Variants in COL22A1 observed in about 807,000 individuals in gnomAD.
COL22A1 encodes the protein collagen type XXII alpha 1 chain, also known as collagen alpha-1(XXII) chain.
A neutral mutation model predicts 248.9 loss-of-function variants in COL22A1; 221 were observed. The observed-to-expected ratio is 0.89, with a 90% confidence interval of 0.80 to 0.99. The LOEUF (loss-of-function observed/expected upper bound fraction) is 0.99. Among genes scored for constraint, COL22A1 ranks in the 50% least tolerant of loss-of-function variants. The pLI, the probability that COL22A1 is intolerant of heterozygous loss-of-function variation, is 0.00. For synonymous variants in COL22A1, 891 were observed against 793.4 expected (o/e 1.12, Z -2.07); for missense variants, 2,240 against 2,179.0 (o/e 1.03, Z -0.56).
At chr8:138,701,683 T>G (rs1827987746) in intron 31 of COL22A1, among the ~76,000 whole-genome samples, 1 of 152,270 alleles carries the variant, frequency 6.6e-6, no homozygotes, top group Non-Finnish European at 1.5e-5. Context: ...GTGGACTATC[T>G]GTTTCTGTCC....
chr8:138,730,943 C>T (rs1332514018), intron 23 of COL22A1, among the ~76,000 whole-genome samples: 4 of 151,862 alleles, frequency 2.6e-5, no homozygotes, highest in East Asian at 3.9e-4. Flanking sequence ...GCTTTGTCTT[C>T]GAGGGAGCAC....
At chr8:138,763,823 C>A (rs956741463) in intron 16 of COL22A1, among the ~76,000 whole-genome samples, 1 of 152,132 alleles carries the variant, frequency 6.6e-6, no homozygotes, top group African/African-American at 2.4e-5. Flanking sequence ...AGACTCTCTT[C>A]GGCTGCAGCA....
At chr8:138,626,766 G>A (rs1820278636) in intron 50 of COL22A1, among the ~76,000 whole-genome samples, 1 of 152,060 alleles carries the variant, frequency 6.6e-6, no homozygotes, top group Non-Finnish European at 1.5e-5. Flanking sequence ...ACCAATAATT[G>A]CTTTACTATC....
chr8:138,618,143 C>T (rs781241462), intron 53 of COL22A1, among the ~76,000 whole-genome samples: 9 of 152,298 alleles, frequency 5.9e-5, no homozygotes, highest in Admixed American at 6.5e-5. Flanking sequence ...CTTACGACCA[C>T]TCTGCAAGAA....
rs964320518 is a variant in COL22A1, at chr8:138,662,311, G to C, written c.3187-228C>G. Among the ~76,000 whole-genome samples, 145 of 152,224 alleles carry C rather than the reference G, an allele frequency of 9.5e-4. 2 individuals are homozygous for C. Among genetic ancestry groups the C allele is most frequent in the Admixed American group, 9.5e-3 (145 of 15,300 alleles). On this transcript the variant is annotated intron_variant, in intron 42 of 64. Transcript: ENST00000303045. ...GAATGCTCTGGAAAATCTTCATTTT[G>C]AGCCTGACAACTTGGACCCCATTTG... is the stretch of plus-strand genomic sequence containing the variant.
chr8:138,640,445 C>A (rs1587737049), intron 47 of COL22A1, among the ~76,000 whole-genome samples: 2 of 152,204 alleles, frequency 1.3e-5, no homozygotes, highest in African/African-American at 4.8e-5. Flanking sequence ...TTCTCCTAAA[C>A]TTTTACATGC....
At position 138,699,207 on chromosome 8, in the gene COL22A1, C is replaced by T. The variant is rs545930518; in HGVS notation, c.2592+905G>A. Among the ~76,000 whole-genome samples, 6 of 152,330 alleles carry T rather than the reference C, an allele frequency of 3.9e-5. No homozygotes were observed. The South Asian group carries it at 1.2e-3, about 32-fold the overall frequency. On this transcript the variant is annotated intron_variant, in intron 32 of 64. Coordinates refer to ENST00000303045, the MANE Select transcript of COL22A1 (RefSeq NM_152888.3). Reference sequence around the variant, plus strand: ...CCATGCTGCCCTAGGATGCCCCCATCTCCCCATTATGCTTCCCAAGCACAA... The same window carrying T: ...CCATGCTGCCCTAGGATGCCCCCATTTCCCCATTATGCTTCCCAAGCACAA...
chr8:138,807,340 G>A (rs910800379), intron 10 of COL22A1, among the ~76,000 whole-genome samples: 2 of 152,184 alleles, frequency 1.3e-5, no homozygotes, highest in Admixed American at 1.3e-4. Flanking sequence ...GGACAGAGGG[G>A]CCCTACCTGG....
intron 1 of COL22A1, among the ~76,000 whole-genome samples, chr8:138,884,013 G>T (rs887302981): frequency 1.3e-5 from 2 of 152,096 alleles, no homozygotes; most frequent in Non-Finnish European, 2.9e-5. Flanking sequence ...GCTGCACTTG[G>T]TAGCCATGAA....
chr8:138,885,333 CAGGTCACATAACTTGCCCA>C (rs1440744456), intron 1 of COL22A1, among the ~76,000 whole-genome samples: 2 of 152,136 alleles, frequency 1.3e-5, no homozygotes, highest in African/African-American at 4.8e-5. Context: ...TGATCTCAGC[CAGGTCACATAACTTGCCCA>C]AGGTCACACT....
In COL22A1 at chr8:138,617,552, C is replaced by A. The variant is rs188864078; in HGVS notation, c.3826-594G>T. On this transcript the variant is annotated intron_variant, in intron 53 of 64. Coordinates refer to ENST00000303045, the MANE Select transcript of COL22A1 (RefSeq NM_152888.3). ...TCAGGCCCTGTGAGTGAAGATTAAA[C>A]CATTAGCAGAGCTGAGGCCATCATT... Among the ~76,000 whole-genome samples the A allele has an allele frequency of 4.6e-3, 694 of 152,260 alleles. 3 individuals are homozygous for A. Among genetic ancestry groups the A allele is most frequent in the Middle Eastern group, 0.014 (4 of 294 alleles).
intron 3 of COL22A1, among the ~76,000 whole-genome samples, chr8:138,865,586 A>G (rs1357201341): frequency 1.1e-5 from 1 of 92,950 alleles, no homozygotes; most frequent in Admixed American, 9.9e-5. Context: ...CCTGTGTGTG[A>G]GTGTATGTGT....
chr8:138,813,570 C>A (rs1277670586), intron 7 of COL22A1, among the ~76,000 whole-genome samples: 1 of 152,170 alleles, frequency 6.6e-6, no homozygotes, highest in Non-Finnish European at 1.5e-5. Context: ...TGAGAACAGA[C>A]TAATACAACC....
At chr8:138,818,635 T>C (rs987965689) in intron 7 of COL22A1, among the ~76,000 whole-genome samples, 1 of 152,182 alleles carries the variant, frequency 6.6e-6, no homozygotes, top group African/African-American at 2.4e-5. Context: ...TCTCTCTCCA[T>C]CTGTGAAATG....
intron 31 of COL22A1, 62 bp from the exon 32 acceptor site, chr8:138,700,206 A>C (rs2130971966): frequency 6.6e-7 from 1 of 1,520,570 alleles, no homozygotes; most frequent in East Asian, 2.3e-5. Context: ...TTTCATTTTT[A>C]AAACCTGCCT....
At chr8:138,906,242 C>A (rs1363286688) in intron 1 of COL22A1, among the ~76,000 whole-genome samples, 1 of 151,990 alleles carries the variant, frequency 6.6e-6, no homozygotes, top group Non-Finnish European at 1.5e-5. Context: ...TGGTGGCGGG[C>A]ACCTATAGTC....
chr8:138,758,143 G>A (rs1833178853), intron 18 of COL22A1, among the ~76,000 whole-genome samples: 1 of 152,220 alleles, frequency 6.6e-6, no homozygotes, highest in Non-Finnish European at 1.5e-5. Flanking sequence ...TAAAAGGGAA[G>A]TAAACATCTC....
chr8:138,599,403 C>T (rs1409967562), intron 60 of COL22A1, among the ~76,000 whole-genome samples: 2 of 152,058 alleles, frequency 1.3e-5, no homozygotes, highest in South Asian at 2.1e-4. Context: ...GGCGTGAACC[C>T]GGGAGGCGGA....
At chr8:138,636,089 A>G (rs1339239254) in intron 48 of COL22A1, among the ~76,000 whole-genome samples, 4 of 152,166 alleles carry the variant, frequency 2.6e-5, no homozygotes, top group Non-Finnish European at 5.9e-5. Context: ...GAGAAAAGAG[A>G]ACAGGGAAAA....
Sources: allele counts gnomAD v4.1 joint callset (sites outside exome capture counted in the v4.1 genomes callset), GRCh38; gene constraint gnomAD v4.1.1; transcripts MANE v1.5; gene names NCBI Gene and HGNC (gene_info 2026-07-23, HGNC 2026-07-21).